The following EPHB2 variants were observed in gnomAD, a reference collection of about 807,000 sequenced individuals.
The protein encoded by EPHB2 is EPH receptor B2.
A neutral mutation model predicts 96.4 loss-of-function variants in EPHB2; 18 were observed. The observed-to-expected ratio is 0.19, with a 90% CI of 0.13 to 0.28. The LOEUF is 0.28. Among genes scored for constraint, EPHB2 ranks in the 10% least tolerant of loss-of-function variants. EPHB2 has a pLI of 1.00. For missense variants in EPHB2, 989 were observed against 1,355.4 expected (o/e 0.73, Z 4.25); for synonymous variants, 506 against 534.1 (o/e 0.95, Z 0.72).
intron 5 of EPHB2, among the ~76,000 whole-genome samples, chr1:22,865,542 T>C (rs1182674615): frequency 1.3e-5 from 2 of 152,212 alleles, no homozygotes; most frequent in African/African-American, 4.8e-5. Flanking sequence ...GTCAGCGTGG[T>C]GACTCTGATC....
At chr1:22,711,905 C>T (rs1176253507) in intron 1 of EPHB2, among the ~76,000 whole-genome samples, 2 of 152,202 alleles carry the variant, frequency 1.3e-5, no homozygotes, top group Non-Finnish European at 2.9e-5. Context: ...CTAGGTCTCC[C>T]GAGCCAGCTT....
intron 3 of EPHB2, among the ~76,000 whole-genome samples, chr1:22,803,605 C>CA (rs1262187148): frequency 1.5e-5 from 2 of 136,150 alleles, no homozygotes; most frequent in Admixed American, 7.5e-5. Flanking sequence ...GACCCTGTCT[C>CA]AAAAAAAAAT....
At chr1:22,888,035 G>C (rs1192403365) in intron 6 of EPHB2, among the ~76,000 whole-genome samples, 1 of 151,944 alleles carries the variant, frequency 6.6e-6, no homozygotes, top group African/African-American at 2.4e-5. Context: ...TTGTTTGTTT[G>C]TTTTTTGGGG....
intron 6 of EPHB2, among the ~76,000 whole-genome samples, chr1:22,891,449 A>G (rs1160034933): frequency 6.6e-6 from 1 of 152,244 alleles, no homozygotes; most frequent in Non-Finnish European, 1.5e-5. Flanking sequence ...TCACATGCTT[A>G]CTTTTCTGGA....
chr1:22,874,990 T>C (rs551144929), intron 5 of EPHB2, among the ~76,000 whole-genome samples: 15 of 152,278 alleles, frequency 9.9e-5, no homozygotes, highest in African/African-American at 3.1e-4. Flanking sequence ...TAAACACATG[T>C]GCAGTGTGAG....
chr1:22,761,257 G>C (rs1284840863), intron 1 of EPHB2, among the ~76,000 whole-genome samples: 1 of 152,200 alleles, frequency 6.6e-6, no homozygotes, highest in African/African-American at 2.4e-5. Flanking sequence ...AAGTGTGACA[G>C]ATTATGAGAA....
chr1:22,745,869 G>A (rs1055590730), intron 1 of EPHB2, among the ~76,000 whole-genome samples: 3 of 152,168 alleles, frequency 2.0e-5, no homozygotes, highest in Admixed American at 6.5e-5. Context: ...CCTAGCCGAC[G>A]CTGCTCTGGA....
intron 3 of EPHB2, among the ~76,000 whole-genome samples, chr1:22,826,209 A>T (rs1557697901): frequency 6.6e-6 from 1 of 152,218 alleles, no homozygotes; most frequent in Non-Finnish European, 1.5e-5. Context: ...AAGTGCGTTC[A>T]GTGTGACCTC....
rs1429266127 is a variant in EPHB2 at position 22,710,965 on chromosome 1, GC to G, written c.-14del. On this transcript the variant is annotated 5_prime_UTR_variant, in exon 1 of 16. Transcript: ENST00000374630. The stretch of plus-strand genomic sequence containing the variant: ...GGGCCCCGCGGCGCCGCGGCCCGAG[GC>G]CCCGGGAAGCGCAGCCATGGCTCTG... 1.3e-5 allele frequency: 2 copies of G among 156,478 alleles called. No homozygotes were observed. The highest frequency in any genetic ancestry group is 1.3e-4 in the South Asian group (1 of 7,508). The allele number at this position is 156,478 out of a possible 1,614,324, so 9.7% of individuals were successfully genotyped here.
chr1:22,913,153 A>C lies in EPHB2; in HGVS notation c.2853-309A>C, dbSNP rs1293828589. Reference sequence around the variant, plus strand: ...GGTTGCAGTGAGCTGAGATCACGCCACTGCACACCAGCCTGGGTGACAGAG... The same window carrying C: ...GGTTGCAGTGAGCTGAGATCACGCCCCTGCACACCAGCCTGGGTGACAGAG... On this transcript the variant is annotated intron_variant, in intron 15 of 15. Coordinates refer to ENST00000374630, the MANE Select transcript of EPHB2 (RefSeq NM_017449.5). This position sits in a 1 kb window ranked among gnomAD's most constrained non-coding sequence, Gnocchi z 4.1. 3 of 442,554 alleles carry C rather than the reference A, an allele frequency of 6.8e-6. No homozygotes were observed. The highest frequency in any genetic ancestry group is 8.4e-6 in the Non-Finnish European group (2 of 237,116). 27.4% of individuals were successfully genotyped at this position (442,554 alleles called of 1,614,324 possible).
intron 1 of EPHB2, among the ~76,000 whole-genome samples, chr1:22,742,412 T>C (rs961597017): frequency 1.3e-5 from 2 of 152,222 alleles, no homozygotes; most frequent in Non-Finnish European, 2.9e-5. Flanking sequence ...TCCCAGCTCC[T>C]GGACCTCACT....
At chr1:22,811,665 G>A (rs944675278) in intron 3 of EPHB2, among the ~76,000 whole-genome samples, 4 of 152,132 alleles carry the variant, frequency 2.6e-5, no homozygotes, top group East Asian at 1.9e-4. Context: ...CCCCAAGACC[G>A]GGAAAGAAGT....
chr1:22,792,953 C>T (rs954772073), intron 3 of EPHB2, among the ~76,000 whole-genome samples: 10 of 152,116 alleles, frequency 6.6e-5, no homozygotes, highest in African/African-American at 2.2e-4. Flanking sequence ...AGGACGGCCT[C>T]CAGGAGGAGG....
chr1:22,844,581 A>G (rs1207786456), intron 3 of EPHB2, among the ~76,000 whole-genome samples: 1 of 152,210 alleles, frequency 6.6e-6, no homozygotes, highest in East Asian at 1.9e-4. Flanking sequence ...GAGTGTTATT[A>G]TCCCCATTTT....
intron 3 of EPHB2, among the ~76,000 whole-genome samples, chr1:22,802,669 C>G (rs2582035): frequency 0.064 from 9,694 of 152,134 alleles, 1,032 homozygotes; most frequent in African/African-American, 0.22. Context: ...AGCCCCACCC[C>G]CAACTCCCTG....
intron 3 of EPHB2, among the ~76,000 whole-genome samples, chr1:22,857,001 G>A (rs1645709619): frequency 6.6e-6 from 1 of 152,142 alleles, no homozygotes; most frequent in Non-Finnish European, 1.5e-5. Flanking sequence ...CACCTACCAT[G>A]TGCCAAGTCC....
chr1:22,870,674 T>C (rs922511897), intron 5 of EPHB2, among the ~76,000 whole-genome samples: 2 of 152,160 alleles, frequency 1.3e-5, no homozygotes, highest in African/African-American at 4.8e-5. Context: ...TTGGCCATTC[T>C]CCAGGGCTGC....
At chr1:22,798,108 T>G (rs1318406490) in intron 3 of EPHB2, among the ~76,000 whole-genome samples, 2 of 152,258 alleles carry the variant, frequency 1.3e-5, no homozygotes, top group Non-Finnish European at 2.9e-5. Flanking sequence ...TCATCTGTTT[T>G]GTTCACCATT....
intron 1 of EPHB2, among the ~76,000 whole-genome samples, chr1:22,721,915 C>A (rs186107517): frequency 9.7e-4 from 148 of 152,220 alleles, no homozygotes; most frequent in Middle Eastern, 3.4e-3. Context: ...TGCGCCCAGC[C>A]TGATTTGCAA....
Sources: allele counts gnomAD v4.1 joint callset (sites outside exome capture counted in the v4.1 genomes callset), GRCh38; gene constraint gnomAD v4.1.1; non-coding constraint Gnocchi (gnomAD v3.1); transcripts MANE v1.5; gene names NCBI Gene and HGNC (gene_info 2026-07-23, HGNC 2026-07-21).